The following MDN1 variants were observed in gnomAD, a reference collection of about 807,000 sequenced individuals.
The protein encoded by MDN1 is midasin AAA ATPase 1.
MDN1 carries 266 observed loss-of-function variants against 669.2 expected under a neutral mutation model. That is an observed-to-expected ratio of 0.40 (90% confidence interval 0.36 to 0.44). The LOEUF (loss-of-function observed/expected upper bound fraction) is 0.44. MDN1 is among the 20% of genes least tolerant of loss of function. The pLI, the probability that MDN1 is intolerant of heterozygous loss-of-function variation, is 1.00. For synonymous variants in MDN1, 2,385 were observed against 2,457.1 expected (o/e 0.97, Z 0.87); for missense variants, 5,940 against 6,754.0 (o/e 0.88, Z 4.22).
rs1817073098 is a variant in MDN1 at position 89,753,578 on chromosome 6, G to T, written c.3009C>A (p.His1003Gln). 2 of 1,613,792 alleles carry T rather than the reference G, an allele frequency of 1.2e-6. No homozygotes were observed. The highest frequency in any genetic ancestry group is 1.7e-6 in the Non-Finnish European group (2 of 1,179,796). Residue 1003 changes from histidine to glutamine, a missense_variant, in exon 22 of 102, where the codon CAC becomes CAA. Physicochemically the swap from His to Gln is conservative, Grantham distance 24. This residue lies in a region of MDN1 where 1,203 missense variants were observed against 1,268.9 expected (regional missense o/e 0.95). Transcript: ENST00000369393. ...GACAGATGAGCTTCTGAACTATTGG[G>T]TGTGATGCCCTGTCAAGCTGTGTTA... ...GFLTQLDRAS[H>Q]PIVQKLICQH...
intron 5 of MDN1, 78 bp from the exon 6 acceptor site, chr6:89,790,479 T>C: frequency 6.4e-7 from 1 of 1,564,956 alleles, no homozygotes; most frequent in South Asian, 1.1e-5. Flanking sequence ...CAGTAAGCCT[T>C]CTACTAACCT....
intron 74 of MDN1, 142 bp from the exon 75 acceptor site, chr6:89,678,887 A>C (rs747095613): frequency 4.9e-6 from 4 of 811,388 alleles, no homozygotes; most frequent in Non-Finnish European, 7.3e-6. Flanking sequence ...TACTTAACAT[A>C]GTCCCTAGCA....
chr6:89,801,280 T>C (rs894687623), intron 2 of MDN1, among the ~76,000 whole-genome samples: 1 of 151,858 alleles, frequency 6.6e-6, no homozygotes, highest in African/African-American at 2.4e-5. Flanking sequence ...TCCCAGCACT[T>C]TGGGAGGCCG....
At chr6:89,652,796 C>T (rs767536676) in intron 94 of MDN1, among the ~76,000 whole-genome samples, 196 bp downstream of exon 94, 3 of 152,180 alleles carry the variant, frequency 2.0e-5, no homozygotes, top group Non-Finnish European at 4.4e-5. Flanking sequence ...TGATTAATTG[C>T]TGGAACAGTA....
intron 5 of MDN1, 140 bp from the exon 6 acceptor site, chr6:89,790,541 G>T: frequency 9.7e-7 from 1 of 1,031,308 alleles, no homozygotes; most frequent in Admixed American, 2.3e-5. Flanking sequence ...AATAACAACA[G>T]GTATGTCATC....
At chr6:89,656,845 T>G (rs781149854) in intron 90 of MDN1, 44 bp from the exon 91 acceptor site, 1 of 1,511,266 alleles carries the variant, frequency 6.6e-7, no homozygotes, top group Non-Finnish European at 9.2e-7. Flanking sequence ...AAGAAGCTAT[T>G]ACAAGTCCCT....
Position 89,688,587 on chromosome 6 carries a change from G to T in MDN1, c.11245C>A (p.Pro3749Thr). The T allele has an allele frequency of 6.2e-7, 1 of 1,613,876 alleles. No homozygotes were observed. Among genetic ancestry groups the T allele is most frequent in the Non-Finnish European group, 8.5e-7 (1 of 1,179,832 alleles). The change falls in exon 66 of 102, where the codon CCA becomes ACA. Residue 3749 changes from proline (P) to threonine (T), a missense_variant. Pro to Thr is a conservative substitution (Grantham distance 38). Transcript: ENST00000369393. ...SHLLQDWPEH[P>T]ALEQLLVVMD... The stretch of plus-strand genomic sequence containing the variant: ...AGCTGCCCTACCTGTTCAAGCGCTG[G>T]GTGTTCTGGCCAGTCCTGTAGCAAG...
Position 89,670,154 on chromosome 6 carries a change from ATATATATATATATATAT to A in MDN1, c.13956+748_13956+764del, listed in dbSNP as rs1408399548. ...TCCAAAAAAACATATATATATATAT[ATATATATATATATATAT>A]TTTTTTTTTTTTTTTTTTTGAGATG... On this transcript the variant is annotated intron_variant, in intron 83 of 101. Transcript: ENST00000369393. 2.1e-3 allele frequency among the ~76,000 whole-genome samples: 45 copies of A among 21,108 alleles called. 1 individual carries two copies. The South Asian group carries it at 0.038, about 18-fold the overall frequency. 13.8% of individuals were successfully genotyped at this position (21,108 alleles called of 152,430 possible).
intron 84 of MDN1, among the ~76,000 whole-genome samples, chr6:89,667,179 T>C (rs766590720): frequency 6.6e-6 from 1 of 152,200 alleles, no homozygotes; most frequent in Non-Finnish European, 1.5e-5. Context: ...GCTTTTGCTT[T>C]TGACTTTTTT....
At position 89,743,650 on chromosome 6, in the gene MDN1, T is replaced by G; in HGVS notation, c.4243A>C (p.Ser1415Arg). 6.2e-7 allele frequency: 1 copy of G among 1,614,158 alleles called. No homozygotes were observed. The highest frequency in any genetic ancestry group is 8.5e-7 in the Non-Finnish European group (1 of 1,179,976). Reference protein sequence around the residue: ...ALANQKLYSVSCHLHMETSDF... With the variant: ...ALANQKLYSVRCHLHMETSDF... The stretch of plus-strand genomic sequence containing the variant: ...GATGTCTCCATGTGTAAGTGGCAGC[T>G]GACAGAGTATAATTTCTGATTTGCC... The change falls in exon 30 of 102, where the codon AGC (serine) becomes CGC (arginine). Residue 1415 changes from serine (S) to arginine (R), a missense_variant. By Grantham distance (110) the Ser-to-Arg change is moderately radical. Transcript: ENST00000369393.
At chr6:89,708,374 C>G in intron 51 of MDN1, 122 bp downstream of exon 51, 1 of 1,238,928 alleles carries the variant, frequency 8.1e-7, no homozygotes, top group East Asian at 2.3e-5. Flanking sequence ...ATGTCCAACA[C>G]CCCACAACTT....
chr6:89,787,195 C>T (rs1819012265), intron 8 of MDN1, among the ~76,000 whole-genome samples: 1 of 152,046 alleles, frequency 6.6e-6, no homozygotes, highest in East Asian at 1.9e-4. Flanking sequence ...TAATCATTAA[C>T]TATAGAATGA....
chr6:89,663,710 G>A (rs953524112), intron 85 of MDN1, among the ~76,000 whole-genome samples: 17 of 152,080 alleles, frequency 1.1e-4, no homozygotes, highest in Admixed American at 5.2e-4. Context: ...TGAGGTGGGC[G>A]GATCATGATG....
chr6:89,787,896 C>G lies in MDN1; in HGVS notation c.1292G>C (p.Cys431Ser), dbSNP rs1432933172. Residue 431 changes from cysteine to serine, a missense_variant, in exon 8 of 102, where the codon TGT (cysteine) becomes TCT (serine). Physicochemically the swap from Cys to Ser is moderately radical, Grantham distance 112. This residue lies in a region of MDN1 where 1,203 missense variants were observed against 1,268.9 expected (regional missense o/e 0.95). Transcript: ENST00000369393. ...CTGAAATCCAGGTGCCACTTTCAGA[C>G]AGTCACCTCGGCCAGGAATCAAGAG... ...GELLIPGRGD[C>S]LKVAPGFQFF... The G allele has an allele frequency of 6.2e-7, 1 of 1,613,732 alleles. No homozygotes were observed. Among genetic ancestry groups the G allele is most frequent in the South Asian group, 1.1e-5 (1 of 91,070 alleles).
intron 52 of MDN1, among the ~76,000 whole-genome samples, chr6:89,706,772 A>G (rs1813542319): frequency 6.6e-6 from 1 of 152,184 alleles, no homozygotes. Flanking sequence ...CAAGTATTTA[A>G]GTATAAAATG....
In MDN1 at chr6:89,656,713, C is replaced by T. The variant is rs987677398; in HGVS notation, c.15272G>A (p.Arg5091Lys). 6 of 1,606,860 alleles carry T rather than the reference C, an allele frequency of 3.7e-6. No homozygotes were observed. Among genetic ancestry groups the T allele is most frequent in the Middle Eastern group, 1.7e-4 (1 of 6,052 alleles). The change falls in exon 91 of 102, where the codon AGG becomes AAG. Residue 5091 changes from arginine to lysine, a missense_variant. Arg to Lys is a conservative substitution (Grantham distance 26). Coordinates refer to ENST00000369393, the MANE Select transcript of MDN1 (RefSeq NM_014611.3). ...IAQLASQKHT[R>K]KNTQSFKRKP... Reference sequence around the variant, plus strand: ...AGTGATAGAAACCTGTGTGTTTTTCCTGGTGTGCTTCTGGGAGGCCAACTG... The same window carrying T: ...AGTGATAGAAACCTGTGTGTTTTTCTTGGTGTGCTTCTGGGAGGCCAACTG...
At chr6:89,674,044 T>G in intron 79 of MDN1, 60 bp downstream of exon 79, 1 of 1,569,932 alleles carries the variant, frequency 6.4e-7, no homozygotes, top group South Asian at 1.2e-5. Context: ...ACCCCCAATT[T>G]AGATAAGCAC....
chr6:89,722,462 T>C (rs934131223), intron 40 of MDN1, among the ~76,000 whole-genome samples: 1 of 152,226 alleles, frequency 6.6e-6, no homozygotes, highest in African/African-American at 2.4e-5. Flanking sequence ...AAGCAAATTA[T>C]GTCCTCTAAA....
intron 101 of MDN1, among the ~76,000 whole-genome samples, chr6:89,644,645 A>C (rs1808365765): frequency 6.6e-6 from 1 of 152,194 alleles, no homozygotes. Flanking sequence ...GGCAACACCT[A>C]ATCTCCATTT....
Sources: allele counts gnomAD v4.1 joint callset (sites outside exome capture counted in the v4.1 genomes callset), GRCh38; gene constraint gnomAD v4.1.1; regional missense constraint gnomAD v4.1.1; transcripts MANE v1.5; gene names NCBI Gene and HGNC (gene_info 2026-07-23, HGNC 2026-07-21).